The following MYNN variants were observed in gnomAD, a reference collection of about 807,000 sequenced individuals.
MYNN encodes myoneurin.
In MYNN, 22 loss-of-function variants were observed where a neutral mutation model predicts 57.2. The ratio of observed to expected loss-of-function variants is 0.38; its 90% CI spans 0.27 to 0.55. The LOEUF (loss-of-function observed/expected upper bound fraction) is 0.55. MYNN is among the 20% of genes least tolerant of loss of function. MYNN has a pLI of 0.71. For missense variants in MYNN, 566 were observed against 723.1 expected (o/e 0.78, Z 2.49); for synonymous variants, 241 against 257.1 (o/e 0.94, Z 0.60).
In MYNN at chr3:169,779,169, T is replaced by A. The variant is rs1248859166; in HGVS notation, c.668T>A (p.Val223Glu). The change falls in exon 3 of 8, where the codon GTA (valine) becomes GAA (glutamate). Residue 223 changes from valine (V) to glutamate (E), a missense_variant. Coordinates refer to ENST00000349841, the MANE Select transcript of MYNN (RefSeq NM_018657.5). ...LDANKLPTPV[V>E]EQVAQINDNS... ...GCAAATAAACTGCCCACACCTGTAG[T>A]AGAACAAGTTGCACAAATAAATGAT... 3.1e-6 allele frequency: 5 copies of A among 1,614,188 alleles called. No individual in the cohort carries two copies. In the South Asian group the frequency reaches 4.4e-5, roughly 14 times the overall value.
At chr3:169,783,426 ATAT>A (rs1778575338) in intron 5 of MYNN, 48 bp from the exon 6 acceptor site, 1 of 993,244 alleles carries the variant, frequency 1.0e-6, no homozygotes, top group South Asian at 1.4e-5. Flanking sequence ...TAATTGATAA[ATAT>A]TATATTGGTA....
chr3:169,778,677 G>T, intron 2 of MYNN, 91 bp from the exon 3 acceptor site: 4 of 916,154 alleles, frequency 4.4e-6, no homozygotes, highest in South Asian at 1.9e-5. Flanking sequence ...GCTTCATTAG[G>T]TCTTTAAAAT....
rs1404659166 is a variant in MYNN, at chr3:169,779,491, C to T, written c.990C>T (p.Tyr330=). ...GAATACATAAAGGAGTCAAACCTTACGTCTGCCACTTATGTGGAAAGGCAT... is the reference window on the plus strand; with the variant it reads ...GAATACATAAAGGAGTCAAACCTTATGTCTGCCACTTATGTGGAAAGGCAT... ...HMRIHKGVKP[Y]VCHLCGKAFT... Residue 330 remains tyrosine, a synonymous_variant, in exon 3 of 8, where the codon TAC becomes TAT. Coordinates refer to ENST00000349841, the MANE Select transcript of MYNN (RefSeq NM_018657.5). 1.1e-5 allele frequency: 17 copies of T among 1,614,164 alleles called. No homozygotes were observed. Among genetic ancestry groups the T allele is most frequent in the Admixed American group, 5.0e-5 (3 of 60,018 alleles).
In MYNN at chr3:169,773,446, C is replaced by T. The variant is rs532038399; in HGVS notation, c.-48C>T. On this transcript the variant is annotated 5_prime_UTR_variant, in exon 1 of 8. Coordinates refer to ENST00000349841, the MANE Select transcript of MYNN (RefSeq NM_018657.5). ...GACAGAGTGAAGAAACTGTGTTCCCCCCTTGGGTTGCTATCGGTGAGTTCC... is the reference window on the plus strand; with the variant it reads ...GACAGAGTGAAGAAACTGTGTTCCCTCCTTGGGTTGCTATCGGTGAGTTCC... 2 of 152,482 alleles carry T rather than the reference C, an allele frequency of 1.3e-5. No individual in the cohort carries two copies. Among genetic ancestry groups the T allele is most frequent in the African/African-American group, 4.8e-5 (2 of 41,584 alleles). 9.4% of individuals were successfully genotyped at this position (152,482 alleles called of 1,614,324 possible).
At chr3:169,778,077 C>G (rs533098931) in intron 2 of MYNN, 2 of 152,476 alleles carry the variant, frequency 1.3e-5, no homozygotes, top group East Asian at 3.9e-4. Context: ...AAAAAAATAG[C>G]CAGGCATGGT....
chr3:169,780,913 G>A (rs1778493281), intron 4 of MYNN, among the ~76,000 whole-genome samples, 164 bp downstream of exon 4: 1 of 152,210 alleles, frequency 6.6e-6, no homozygotes. Context: ...TGGTTGATAG[G>A]AAATAAGCAG....
At chr3:169,781,781 A>G (rs943812150) in intron 4 of MYNN, among the ~76,000 whole-genome samples, 1 of 152,228 alleles carries the variant, frequency 6.6e-6, no homozygotes, top group Non-Finnish European at 1.5e-5. Context: ...GCTCTTGACA[A>G]AAGTATCATT....
rs1778533543 is a variant in MYNN at position 169,782,041 on chromosome 3, T to G, written c.1221-424T>G. Among the ~76,000 whole-genome samples, 1 of 152,174 alleles carries G rather than the reference T, an allele frequency of 6.6e-6. No individual in the cohort carries two copies. The highest frequency in any genetic ancestry group is 2.1e-4 in the South Asian group (1 of 4,822). ...TAAGTAGGATCTCAAGTATACAAAT[T>G]GGAATTGATGGATTCAGATGAACTG... On this transcript the variant is annotated intron_variant, in intron 4 of 7. Coordinates refer to ENST00000349841, the MANE Select transcript of MYNN (RefSeq NM_018657.5). The surrounding 1 kb of genome is among the most constrained non-coding windows in gnomAD (Gnocchi z 4.8).
chr3:169,778,652 CT>C, intron 2 of MYNN, 115 bp from the exon 3 acceptor site: 2 of 763,520 alleles, frequency 2.6e-6, no homozygotes, highest in Non-Finnish European at 4.2e-6. Flanking sequence ...TTAGTTATGT[CT>C]TTTTCAGCAT....
chr3:169,784,731 CTTGT>C lies in MYNN; in HGVS notation c.1570+34_1570+37del, dbSNP rs371285454. ...CTGGTAAATGCTTGTGTTTTGTTTG[CTTGT>C]TTGTTTGTTTTAATTTGGTGCTCAT... On this transcript the variant is annotated intron_variant, in intron 7 of 7. Transcript: ENST00000349841. 4.6e-4 allele frequency: 672 copies of C among 1,465,734 alleles called. 6 individuals carry two copies. Among genetic ancestry groups the C allele is most frequent in the South Asian group, 3.9e-3 (317 of 80,460 alleles). 90.8% of individuals were successfully genotyped at this position (1,465,734 alleles called of 1,614,324 possible).
chr3:169,784,387 C>G (rs1474784351), intron 6 of MYNN, among the ~76,000 whole-genome samples: 2 of 151,888 alleles, frequency 1.3e-5, no homozygotes, highest in Non-Finnish European at 2.9e-5. Flanking sequence ...AGATACATTT[C>G]TGTTTATGAA....
intron 7 of MYNN, 97 bp from the exon 8 acceptor site, chr3:169,786,319 G>T: frequency 8.6e-7 from 1 of 1,157,766 alleles, no homozygotes; most frequent in Non-Finnish European, 1.2e-6. Context: ...TATGGTGGTT[G>T]GAATGTAATT....
In MYNN at chr3:169,782,391, A is replaced by G. The variant is rs1778545268; in HGVS notation, c.1221-74A>G. The G allele has an allele frequency of 7.9e-7, 1 of 1,258,044 alleles. No individual in the cohort carries two copies. The highest frequency in any genetic ancestry group is 1.6e-5 in the South Asian group (1 of 61,180). The allele number at this position is 1,258,044 out of a possible 1,614,324, so 77.9% of individuals were successfully genotyped here. On this transcript the variant is annotated intron_variant, in intron 4 of 7. Coordinates refer to ENST00000349841, the MANE Select transcript of MYNN (RefSeq NM_018657.5). The surrounding 1 kb of genome is among the most constrained non-coding windows in gnomAD (Gnocchi z 4.8). ...AAGATGACATGAAATAAAATCTATA[A>G]AAAACTTTATGAATTCTTGCTATAT...
chr3:169,779,234 T>A lies in MYNN; in HGVS notation c.733T>A (p.Phe245Ile). The A allele has an allele frequency of 3.7e-6, 6 of 1,614,210 alleles. No individual in the cohort carries two copies. The highest frequency in any genetic ancestry group is 4.2e-6 in the Non-Finnish European group (5 of 1,180,034). The change falls in exon 3 of 8, where the codon TTT becomes ATT. Residue 245 changes from phenylalanine (F) to isoleucine (I), a missense_variant. Phe to Ile is a conservative substitution (Grantham distance 21). Transcript: ENST00000349841. Reference protein sequence around the residue: ...LELTSVVENTFPAQDIVHTVT... With the variant: ...LELTSVVENTIPAQDIVHTVT... ...GTTGACATCAGTTGTGGAAAATACTTTTCCAGCACAAGATATTGTGCACAC... is the reference window on the plus strand; with the variant it reads ...GTTGACATCAGTTGTGGAAAATACTATTCCAGCACAAGATATTGTGCACAC...
chr3:169,783,350 T>C, intron 5 of MYNN, 127 bp from the exon 6 acceptor site: 1 of 558,628 alleles, frequency 1.8e-6, no homozygotes, highest in East Asian at 3.0e-5. Flanking sequence ...AAAATACCTC[T>C]AAAGTACAAT....
chr3:169,779,673 T>C, intron 3 of MYNN, 112 bp downstream of exon 3: 2 of 1,108,470 alleles, frequency 1.8e-6, no homozygotes, highest in Non-Finnish European at 2.5e-6. Flanking sequence ...TATATTTTTC[T>C]ATTCATCAAA....
At chr3:169,781,580 G>C (rs1778518348) in intron 4 of MYNN, among the ~76,000 whole-genome samples, 1 of 152,196 alleles carries the variant, frequency 6.6e-6, no homozygotes, top group South Asian at 2.1e-4. Context: ...AGTTCTGAGA[G>C]ATGGGTGAGA....
At position 169,778,875 on chromosome 3, in the gene MYNN, C is replaced by A; in HGVS notation, c.374C>A (p.Ser125Tyr). The change falls in exon 3 of 8, where the codon TCT becomes TAT. Residue 125 changes from serine (S) to tyrosine (Y), a missense_variant. Physicochemically the swap from Ser to Tyr is moderately radical, Grantham distance 144 (BLOSUM62 -2). Coordinates refer to ENST00000349841, the MANE Select transcript of MYNN (RefSeq NM_018657.5). ...GATTTTGCTTTTATTGCTAATCCTTCTTCTACAGAGATATCTAGTATTACT... is the reference window on the plus strand; with the variant it reads ...GATTTTGCTTTTATTGCTAATCCTTATTCTACAGAGATATCTAGTATTACT... ...MEDFAFIANP[S>Y]STEISSITGN... 1 of 1,613,870 alleles carries A rather than the reference C, an allele frequency of 6.2e-7. No homozygotes were observed. Among genetic ancestry groups the A allele is most frequent in the Non-Finnish European group, 8.5e-7 (1 of 1,179,906 alleles).
At position 169,779,279 on chromosome 3, in the gene MYNN, C is replaced by A. The variant is rs747828571; in HGVS notation, c.778C>A (p.Arg260Ser). Residue 260 changes from arginine (R) to serine (S), a missense_variant, in exon 3 of 8, where the codon CGT (arginine) becomes AGT (serine). Arg to Ser is a moderately radical substitution (Grantham distance 110, BLOSUM62 -1). Coordinates refer to ENST00000349841, the MANE Select transcript of MYNN (RefSeq NM_018657.5). Reference protein sequence around the residue: ...IVHTVTVKRKRGKSQPNCALK... With the variant: ...IVHTVTVKRKSGKSQPNCALK... ...GCACACTGTTACAGTGAAACGGAAA[C>A]GTGGAAAATCACAGCCAAACTGTGC... The A allele has an allele frequency of 1.2e-6, 2 of 1,614,136 alleles. No homozygotes were observed. The highest frequency in any genetic ancestry group is 1.1e-5 in the South Asian group (1 of 91,082).
Sources: allele counts gnomAD v4.1 joint callset (sites outside exome capture counted in the v4.1 genomes callset), GRCh38; gene constraint gnomAD v4.1.1; non-coding constraint Gnocchi (gnomAD v3.1); transcripts MANE v1.5; gene names NCBI Gene and HGNC (gene_info 2026-07-23, HGNC 2026-07-21).